UNC5B: variants seen among roughly 807,000 people sequenced by gnomAD.
The protein encoded by UNC5B is unc-5 netrin receptor B.
In UNC5B, 56 loss-of-function variants were observed where a neutral mutation model predicts 103.7. The observed-to-expected ratio is 0.54, with a 90% CI of 0.44 to 0.67. The LOEUF (loss-of-function observed/expected upper bound fraction) is 0.67. Among genes scored for constraint, UNC5B ranks in the 30% least tolerant of loss-of-function variants. The pLI is 0.00. For missense variants in UNC5B, 1,194 were observed against 1,284.5 expected, an observed-to-expected ratio of 0.93 and a Z score of 1.08; for synonymous variants, 577 against 542.0, an observed-to-expected ratio of 1.06 and a Z score of -0.90.
chr10:71,285,937 C>T (rs1165300943), intron 4 of UNC5B, among the ~76,000 whole-genome samples: 1 of 152,194 alleles, frequency 6.6e-6, no homozygotes, highest in African/African-American at 2.4e-5. Flanking sequence ...CTTTGCCCAG[C>T]AGAGTGGACG....
In UNC5B at chr10:71,273,653, T is replaced by C. The variant is rs10999756; in HGVS notation, c.80-6168T>C. On this transcript the variant is annotated intron_variant, in intron 1 of 16. Coordinates refer to ENST00000335350, the MANE Select transcript of UNC5B (RefSeq NM_170744.5). ...GCAGGCACTGCACAGGCCCAGCCCC[T>C]GGGAAGAAGCCTACAGACGGGCACA... Among the ~76,000 whole-genome samples, 157 of 152,296 alleles carry C rather than the reference T, an allele frequency of 1.0e-3. 1 individual carries two copies. The highest frequency in any genetic ancestry group is 3.8e-3 in the African/African-American group (156 of 41,546).
chr10:71,265,960 C>A (rs1290837485), intron 1 of UNC5B, among the ~76,000 whole-genome samples: 1 of 152,168 alleles, frequency 6.6e-6, no homozygotes, highest in Non-Finnish European at 1.5e-5. Flanking sequence ...ACCTATTCTA[C>A]AGAGAAACAA....
rs2132231138 is a variant in UNC5B at position 71,213,907 on chromosome 10, T to G, written c.79+843T>G. Among the ~76,000 whole-genome samples the G allele has an allele frequency of 6.6e-6, 1 of 151,922 alleles. No homozygotes were observed. Among genetic ancestry groups the G allele is most frequent in the Admixed American group, 6.5e-5 (1 of 15,270 alleles). On this transcript the variant is annotated intron_variant, in intron 1 of 16. Transcript: ENST00000335350. This position sits in a 1 kb window ranked among gnomAD's most constrained non-coding sequence, Gnocchi z 4.1. Reference sequence around the variant, plus strand: ...ACCCACCAAGATGACTTCAGCGAACTGGTGGGCTCCGAAATAAAGTCCCTA... The same window carrying G: ...ACCCACCAAGATGACTTCAGCGAACGGGTGGGCTCCGAAATAAAGTCCCTA...
intron 1 of UNC5B, among the ~76,000 whole-genome samples, chr10:71,238,415 T>C (rs1460843094): frequency 1.3e-5 from 2 of 152,096 alleles, no homozygotes. Context: ...ACTCAGAATG[T>C]CTTGTGGTTT....
chr10:71,289,069 G>C lies in UNC5B; in HGVS notation c.1099+79G>C, dbSNP rs1303358297. 33 of 1,603,970 alleles carry C rather than the reference G, an allele frequency of 2.1e-5. 2 individuals carry two copies. In the African/African-American group the frequency reaches 2.3e-4, roughly 11 times the overall value. ...TTGGCTGGCTTTTCCCGGGATCAGG[G>C]TGCAGGGCAGGGAGAGCTGAAGGTG... On this transcript the variant is annotated intron_variant, in intron 8 of 16. Transcript: ENST00000335350.
In UNC5B at chr10:71,291,001, G is replaced by T; in HGVS notation, c.1186G>T (p.Val396Leu). ...CGTGGCAATCCTCATGGCGGTGGGG[G>T]TGGTGGTGTACCGCCGCAACTGCCG... The part of the protein sequence containing the change: ...VVVAILMAVG[V>L]VVYRRNCRDF... Residue 396 changes from valine (V) to leucine (L), a missense_variant, in exon 9 of 17, where the codon GTG becomes TTG. Coordinates refer to ENST00000335350, the MANE Select transcript of UNC5B (RefSeq NM_170744.5). The T allele has an allele frequency of 1.2e-6, 2 of 1,614,066 alleles. No homozygotes were observed. The highest frequency in any genetic ancestry group is 8.5e-7 in the Non-Finnish European group (1 of 1,180,000).
At chr10:71,243,816 G>A (rs533770717) in intron 1 of UNC5B, among the ~76,000 whole-genome samples, 53 of 152,350 alleles carry the variant, frequency 3.5e-4, no homozygotes, top group African/African-American at 4.8e-4. Flanking sequence ...TCTGTGCCTC[G>A]TGATAATAAC....
chr10:71,273,680 G>A (rs1564726118), intron 1 of UNC5B, among the ~76,000 whole-genome samples: 2 of 152,198 alleles, frequency 1.3e-5, no homozygotes, highest in African/African-American at 4.8e-5. Context: ...ACGGGCACAG[G>A]GCCTGCTGTC....
intron 1 of UNC5B, among the ~76,000 whole-genome samples, chr10:71,227,946 C>T (rs1843608227): frequency 6.6e-6 from 1 of 152,048 alleles, no homozygotes; most frequent in Non-Finnish European, 1.5e-5. Context: ...ACTATTCCTG[C>T]CAGATAGTAA....
intron 1 of UNC5B, among the ~76,000 whole-genome samples, chr10:71,221,237 A>G (rs1381907147): frequency 6.6e-6 from 1 of 152,150 alleles, no homozygotes; most frequent in Non-Finnish European, 1.5e-5. Context: ...AGAAACTGAG[A>G]ACCCCAGATG....
intron 1 of UNC5B, among the ~76,000 whole-genome samples, chr10:71,254,212 A>G (rs1212750822): frequency 6.6e-6 from 1 of 152,236 alleles, no homozygotes; most frequent in Non-Finnish European, 1.5e-5. Context: ...TACGCCTAGC[A>G]GAGGGGGTTT....
At chr10:71,246,841 C>T (rs866005033) in intron 1 of UNC5B, among the ~76,000 whole-genome samples, 5 of 152,194 alleles carry the variant, frequency 3.3e-5, no homozygotes, top group East Asian at 1.9e-4. Flanking sequence ...GCTGACCAGC[C>T]GGCAGGCTCC....
chr10:71,214,191 G>T (rs867961486), intron 1 of UNC5B, among the ~76,000 whole-genome samples: 9 of 152,278 alleles, frequency 5.9e-5, no homozygotes, highest in Middle Eastern at 3.4e-3. Context: ...GGAGCAGAAA[G>T]TGGACGAGAT....
Position 71,213,145 on chromosome 10 carries a change from G to A in UNC5B, c.79+81G>A. 1 of 1,127,682 alleles carries A rather than the reference G, an allele frequency of 8.9e-7. No individual in the cohort carries two copies. The allele number at this position is 1,127,682 out of a possible 1,614,324, so 69.9% of individuals were successfully genotyped here. A position where few individuals can be genotyped will look rare whatever the true frequency, so the allele number is the denominator to read the frequency against. On this transcript the variant is annotated intron_variant, in intron 1 of 16. Transcript: ENST00000335350. This position sits in a 1 kb window ranked among gnomAD's most constrained non-coding sequence, Gnocchi z 4.1. Reference sequence around the variant, plus strand: ...TGTCCTGAAGTTGAGGTGGTCTTTCGTCGCATCGATGCGCGCAGGAAAAGC... The same window carrying A: ...TGTCCTGAAGTTGAGGTGGTCTTTCATCGCATCGATGCGCGCAGGAAAAGC...
intron 15 of UNC5B, among the ~76,000 whole-genome samples, chr10:71,297,052 GCC>G (rs1845459198): frequency 7.1e-6 from 1 of 140,378 alleles, no homozygotes; most frequent in African/African-American, 2.7e-5. Context: ...TGAGGGAAGG[GCC>G]GCCAGATATT....
chr10:71,293,318 GC>G, intron 11 of UNC5B, 86 bp from the exon 12 acceptor site: 2 of 1,466,168 alleles, frequency 1.4e-6, no homozygotes. Context: ...CACCTCCCGG[GC>G]CCTGGGCAGA....
At chr10:71,286,976 G>A (rs1293841707) in intron 5 of UNC5B, 107 bp downstream of exon 5, 12 of 1,447,264 alleles carry the variant, frequency 8.3e-6, no homozygotes, top group Non-Finnish European at 1.0e-5. Context: ...AGCCCAGAGA[G>A]GGGAAGTGAA....
At chr10:71,295,418 C>T (rs1176170426) in intron 13 of UNC5B, among the ~76,000 whole-genome samples, 1 of 152,222 alleles carries the variant, frequency 6.6e-6, no homozygotes, top group African/African-American at 2.4e-5. Context: ...ATTCAGTCAG[C>T]AGCCCATCTG....
At chr10:71,221,327 C>T (rs1843448039) in intron 1 of UNC5B, among the ~76,000 whole-genome samples, 1 of 152,190 alleles carries the variant, frequency 6.6e-6, no homozygotes, top group African/African-American at 2.4e-5. Flanking sequence ...CCTGTGGTCC[C>T]CCCCCTTGTC....
Sources: gnomAD v4.1 joint callset for allele counts (sites outside exome capture counted in the v4.1 genomes callset) on GRCh38, gnomAD v4.1.1 for gene constraint, Gnocchi (gnomAD v3.1) non-coding constraint, MANE v1.5 for transcripts, NCBI Gene and HGNC (gene_info 2026-07-23, HGNC 2026-07-21) for gene names.